The following USP8 variants were observed in gnomAD, a reference collection of about 807,000 sequenced individuals.
The protein encoded by USP8 is ubiquitin specific peptidase 8.
In USP8, 27 loss-of-function variants were observed where a neutral mutation model predicts 130.0. That is an observed-to-expected ratio of 0.21 (90% CI 0.15 to 0.29). The LOEUF (loss-of-function observed/expected upper bound fraction) is 0.29, where lower values mean the gene tolerates loss of function less well. Among genes scored for constraint, USP8 ranks in the 10% least tolerant of loss-of-function variants. The pLI is 1.00. For missense variants in USP8, 1,029 were observed against 1,312.2 expected, an observed-to-expected ratio of 0.78 and a Z score of 3.33; for synonymous variants, 392 against 444.1, an observed-to-expected ratio of 0.88 and a Z score of 1.48.
intron 11 of USP8, among the ~76,000 whole-genome samples, chr15:50,483,038 T>A (rs1186821776): frequency 6.6e-6 from 1 of 152,190 alleles, no homozygotes; most frequent in Non-Finnish European, 1.5e-5. Flanking sequence ...ACTCTCTAAT[T>A]TTATTCACAG....
In USP8 at chr15:50,460,023, G is replaced by T. The variant is rs574923913; in HGVS notation, c.498+861G>T. Among the ~76,000 whole-genome samples, 11 of 103,850 alleles carry T rather than the reference G, an allele frequency of 1.1e-4. 1 individual carries two copies. In the South Asian group the frequency reaches 3.1e-3, roughly 30 times the overall value. The allele number at this position is 103,850 out of a possible 152,430, so 68.1% of individuals were successfully genotyped here. On this transcript the variant is annotated intron_variant, in intron 5 of 19. Coordinates refer to ENST00000307179, the MANE Select transcript of USP8 (RefSeq NM_005154.5). ...TTTTTTTTTTTTTTTTTGAGACAGA[G>T]TCTCATTCTTGTCGCCCAGGCTGGA...
At chr15:50,437,080 C>T (rs1490273308) in intron 1 of USP8, among the ~76,000 whole-genome samples, 1 of 152,088 alleles carries the variant, frequency 6.6e-6, no homozygotes, top group Admixed American at 6.6e-5. Context: ...TCTCTGGATA[C>T]TCTCTTCATA....
chr15:50,431,165 C>CTGTGTGTGTGTG (rs56771450), intron 1 of USP8, among the ~76,000 whole-genome samples: 4,280 of 140,936 alleles, frequency 0.03, 148 homozygotes, highest in East Asian at 0.073. Flanking sequence ...GTGTGTGCCT[C>CTGTGTGTGTGTG]TGTGTGTGTG....
chr15:50,490,303 C>T lies in USP8; in HGVS notation c.2012C>T (p.Ser671Leu). 6.2e-7 allele frequency: 1 copy of T among 1,612,812 alleles called. No homozygotes were observed. Among genetic ancestry groups the T allele is most frequent in the Non-Finnish European group, 8.5e-7 (1 of 1,179,680 alleles). ...PITGTFRYYHSPTNTVHMYPP... is the reference protein window; with the variant it reads ...PITGTFRYYHLPTNTVHMYPP... ...ACTGGAACCTTTCGTTATTATCATT[C>T]ACCCACCAACACTGTTCATATGTAC... is the stretch of plus-strand genomic sequence containing the variant. The change falls in exon 14 of 20, where the codon TCA becomes TTA. Residue 671 changes from serine (S) to leucine (L), a missense_variant. Coordinates refer to ENST00000307179, the MANE Select transcript of USP8 (RefSeq NM_005154.5).
chr15:50,445,891 C>T (rs1309662112), intron 3 of USP8, among the ~76,000 whole-genome samples: 1 of 150,472 alleles, frequency 6.6e-6, no homozygotes, highest in Non-Finnish European at 1.5e-5. Flanking sequence ...TTAGATAAAA[C>T]ATTAATTTAG....
intron 10 of USP8, among the ~76,000 whole-genome samples, chr15:50,478,900 C>A (rs1276423583): frequency 6.6e-6 from 1 of 151,910 alleles, no homozygotes; most frequent in African/African-American, 2.4e-5. Context: ...ACTGAAAATA[C>A]CAAAATTAGC....
intron 10 of USP8, among the ~76,000 whole-genome samples, chr15:50,478,305 A>C (rs938424726): frequency 6.6e-6 from 1 of 152,234 alleles, no homozygotes; most frequent in African/African-American, 2.4e-5. Context: ...CAAATAAAAA[A>C]ATTTTAGTTT....
At chr15:50,472,363 A>C (rs1210588772) in intron 8 of USP8, among the ~76,000 whole-genome samples, 2 of 151,534 alleles carry the variant, frequency 1.3e-5, no homozygotes, top group African/African-American at 4.8e-5. Flanking sequence ...TGGGAGGCTG[A>C]GGTGGGTGGA....
At chr15:50,433,005 G>A (rs1433317447) in intron 1 of USP8, among the ~76,000 whole-genome samples, 1 of 152,196 alleles carries the variant, frequency 6.6e-6, no homozygotes, top group Non-Finnish European at 1.5e-5. Flanking sequence ...ACTTTGGGAG[G>A]CCGAGGCGGG....
rs2052587555 is a variant in USP8, at chr15:50,501,499, A to G, written c.*2411A>G. ...AAAATTGTAAGTTCATTTACGTAAG[A>G]TGGCTTCTTTTTTTTTTTTTTAAAG... is the stretch of plus-strand genomic sequence containing the variant. On this transcript the variant is annotated 3_prime_UTR_variant, in exon 20 of 20. Coordinates refer to ENST00000307179, the MANE Select transcript of USP8 (RefSeq NM_005154.5). 6.6e-6 allele frequency: 1 copy of G among 150,774 alleles called. No individual in the cohort carries two copies. The highest frequency in any genetic ancestry group is 2.5e-5 in the African/African-American group (1 of 40,784). 9.3% of individuals were successfully genotyped at this position (150,774 alleles called of 1,614,324 possible).
Position 50,475,972 on chromosome 15 carries a change from C to T in USP8, c.850-877C>T, listed in dbSNP as rs147092588. ...AATATATTGAAAACCTTAAAATGTT[C>T]GTGTACCTTAGCTTAAGCAACTCCC... On this transcript the variant is annotated intron_variant, in intron 8 of 19. Coordinates refer to ENST00000307179, the MANE Select transcript of USP8 (RefSeq NM_005154.5). Among the ~76,000 whole-genome samples the T allele has an allele frequency of 4.0e-4, 61 of 152,160 alleles. 1 individual carries two copies. Among genetic ancestry groups the T allele is most frequent in the African/African-American group, 1.3e-3 (55 of 41,506 alleles).
At chr15:50,441,208 A>G (rs1377104555) in intron 2 of USP8, 141 bp from the exon 3 acceptor site, 2 of 732,674 alleles carry the variant, frequency 2.7e-6, no homozygotes, top group Non-Finnish European at 4.1e-6. Flanking sequence ...GTCCTGGTTC[A>G]TAACAGGCCG....
intron 4 of USP8, among the ~76,000 whole-genome samples, chr15:50,452,253 G>A (rs187001117): frequency 6.6e-6 from 1 of 152,268 alleles, no homozygotes; most frequent in African/African-American, 2.4e-5. Flanking sequence ...TTACATTCAT[G>A]TTAGGGGAGG....
Position 50,505,315 on chromosome 15 carries a change from C to G in USP8, c.*6227C>G, listed in dbSNP as rs921444315. 7.2e-5 allele frequency: 11 copies of G among 152,160 alleles called. No homozygotes were observed. The allele number at this position is 152,160 out of a possible 1,614,324, so 9.4% of individuals were successfully genotyped here. On this transcript the variant is annotated 3_prime_UTR_variant, in exon 20 of 20. Transcript: ENST00000307179. ...AAAAAGAGAGTTTACCCACAAGAAT[C>G]TAACCTGCTGGTAGAAGTTCTCCAT...
At chr15:50,456,901 AAAAAG>A (rs2141275287) in intron 4 of USP8, among the ~76,000 whole-genome samples, 2 of 152,310 alleles carry the variant, frequency 1.3e-5, no homozygotes, top group Admixed American at 1.3e-4. Flanking sequence ...GAAAAAGAAA[AAAAAG>A]AAAAGAAATT....
At chr15:50,482,621 C>T (rs972362239) in intron 11 of USP8, among the ~76,000 whole-genome samples, 4 of 152,162 alleles carry the variant, frequency 2.6e-5, no homozygotes, top group Admixed American at 2.0e-4. Context: ...AATTGATAGC[C>T]GTAATTTTAG....
At chr15:50,484,616 C>T (rs2051888633) in intron 12 of USP8, among the ~76,000 whole-genome samples, 2 of 152,148 alleles carry the variant, frequency 1.3e-5, no homozygotes, top group East Asian at 1.9e-4. Flanking sequence ...AATGTTTAGG[C>T]CTTACCATAT....
chr15:50,449,858 G>GC (rs1182037814), intron 4 of USP8, among the ~76,000 whole-genome samples: 1 of 149,466 alleles, frequency 6.7e-6, no homozygotes, highest in Non-Finnish European at 1.5e-5. Flanking sequence ...TGGGATTACA[G>GC]GTGTGGGCCA....
intron 16 of USP8, 69 bp from the exon 17 acceptor site, chr15:50,495,779 C>CT: frequency 7.8e-7 from 1 of 1,281,454 alleles, no homozygotes; most frequent in African/African-American, 1.5e-5. Flanking sequence ...TTTGTATTCA[C>CT]TTTTATTCTT....
Sources: gnomAD v4.1 joint callset for allele counts (sites outside exome capture counted in the v4.1 genomes callset) on GRCh38, gnomAD v4.1.1 for gene constraint, MANE v1.5 for transcripts, NCBI Gene and HGNC (gene_info 2026-07-23, HGNC 2026-07-21) for gene names.